The following GHRHR variants were observed in gnomAD, a reference collection of about 807,000 sequenced individuals.
GHRHR encodes the protein growth hormone-releasing hormone receptor.
Under a neutral mutation model 58.3 loss-of-function variants are expected in GHRHR, and 40 were observed. That is an observed-to-expected ratio of 0.69 (90% CI 0.53 to 0.89). GHRHR has a LOEUF of 0.89. GHRHR is among the 40% of genes least tolerant of loss of function. GHRHR has a pLI of 0.00. For missense variants in GHRHR, 551 were observed against 541.3 expected (o/e 1.02, Z -0.18); for synonymous variants, 249 against 216.6 (o/e 1.15, Z -1.31).
rs967367045 is a variant in GHRHR, at chr7:30,967,612, T to TCCAC, written c.58-1220_58-1217dup. On this transcript the variant is annotated intron_variant, in intron 1 of 12. Coordinates refer to ENST00000326139, the MANE Select transcript of GHRHR (RefSeq NM_000823.4). ...AGCCAGTCATCTGTCTATCCATCCATCCACCTCCCCAGCCATATATTTGTC... is the reference window on the plus strand; with the variant it reads ...AGCCAGTCATCTGTCTATCCATCCATCCACCCACCTCCCCAGCCATATATTTGTC... Among the ~76,000 whole-genome samples the TCCAC allele has an allele frequency of 3.8e-4, 57 of 151,966 alleles. 1 individual carries two copies. The South Asian group carries it at 9.8e-3, about 26-fold the overall frequency.
At position 30,972,048 on chromosome 7, in the gene GHRHR, G is replaced by A. The variant is rs765740795; in HGVS notation, c.550G>A (p.Ala184Thr). ...LKAGAVFLKD[A>T]ALFHSDDTDH... ...GGCGGGAGCTGTGTTCCTGAAGGAT[G>A]CTGCCCTTTTCCACAGCGACGACAC... The change falls in exon 6 of 13, where the codon GCT becomes ACT. Residue 184 changes from alanine to threonine, a missense_variant. Ala to Thr is a moderately conservative substitution (Grantham distance 58, BLOSUM62 0). Transcript: ENST00000326139. 9.9e-6 allele frequency: 16 copies of A among 1,614,044 alleles called. No homozygotes were observed. Among genetic ancestry groups the A allele is most frequent in the Non-Finnish European group, 1.4e-5 (16 of 1,179,994 alleles).
Position 30,969,719 on chromosome 7 carries a change from C to A in GHRHR, c.269-148C>A, listed in dbSNP as rs1584412079. The A allele has an allele frequency of 1.8e-5, 14 of 788,502 alleles. No individual in the cohort carries two copies. The East Asian group carries it at 3.2e-4, about 18-fold the overall frequency. The allele number at this position is 788,502 out of a possible 1,614,324, so 48.8% of individuals were successfully genotyped here. ...TGTCCCTGGGCAGGCTAGACCTGGG[C>A]CCCAGGCCTCTGGAGCCACCCTCTC... On this transcript the variant is annotated intron_variant, in intron 3 of 12. Coordinates refer to ENST00000326139, the MANE Select transcript of GHRHR (RefSeq NM_000823.4).
chr7:30,976,448 C>A lies in GHRHR; in HGVS notation c.994C>A (p.Leu332Ile), dbSNP rs1192034401. The change falls in exon 11 of 13, where the codon CTT (leucine) becomes ATT (isoleucine). Residue 332 changes from leucine to isoleucine, a missense_variant. Transcript: ENST00000326139. ...CTGCAGGCGTCTCTCCAAGTCGACA[C>A]TTTTCCTGATCCCACTCTTTGGAAT... is the stretch of plus-strand genomic sequence containing the variant. ...SQYWRLSKSTLFLIPLFGIHY... is the reference protein window; with the variant it reads ...SQYWRLSKSTIFLIPLFGIHY... 6.2e-7 allele frequency: 1 copy of A among 1,613,624 alleles called. No homozygotes were observed.
In GHRHR at chr7:30,977,278, C is replaced by A. The variant is rs758144992; in HGVS notation, c.1105-3C>A. ...ATGGGGTCTTTCTTCTTTGGACCCA[C>A]AGGGCTTCATTGTTGCCATCCTCTA... On this transcript the variant is annotated splice_polypyrimidine_tract_variant and splice_region_variant and intron_variant, in intron 11 of 12. Transcript: ENST00000326139. 7.4e-6 allele frequency: 12 copies of A among 1,613,886 alleles called. No individual in the cohort carries two copies. The African/African-American group carries it at 1.6e-4, about 22-fold the overall frequency.
chr7:30,969,815 C>T (rs1453774191), intron 3 of GHRHR, 52 bp from the exon 4 acceptor site: 6 of 1,599,394 alleles, frequency 3.8e-6, no homozygotes, highest in South Asian at 3.3e-5. Context: ...CCCCAGCCCC[C>T]TCCTGGGGAG....
chr7:30,965,294 A>G (rs1455885205), intron 1 of GHRHR, among the ~76,000 whole-genome samples: 2 of 152,302 alleles, frequency 1.3e-5, no homozygotes, highest in Admixed American at 6.5e-5. Context: ...CTAGAACTCA[A>G]TCACTGTTTG....
intron 5 of GHRHR, 79 bp downstream of exon 5, chr7:30,971,295 A>G (rs1389755286): frequency 2.7e-6 from 2 of 738,288 alleles, no homozygotes; most frequent in East Asian, 2.7e-5. Flanking sequence ...TTCCTTGCCT[A>G]CATAGCCATG....
At position 30,974,443 on chromosome 7, in the gene GHRHR, T is replaced by G; in HGVS notation, c.766T>G (p.Phe256Val). ...VLAGWGLPVL[F>V]TGTWVSCKLA... ...TACTCCTGTAGGGCTGCCCGTGCTCTTCACTGGCACGTGGGTGAGCTGCAA... is the reference window on the plus strand; with the variant it reads ...TACTCCTGTAGGGCTGCCCGTGCTCGTCACTGGCACGTGGGTGAGCTGCAA... Residue 256 changes from phenylalanine to valine, a missense_variant, in exon 8 of 13, where the codon TTC (phenylalanine) becomes GTC (valine). Coordinates refer to ENST00000326139, the MANE Select transcript of GHRHR (RefSeq NM_000823.4). The G allele has an allele frequency of 6.2e-7, 1 of 1,612,360 alleles. No individual in the cohort carries two copies. Among genetic ancestry groups the G allele is most frequent in the East Asian group, 2.2e-5 (1 of 44,864 alleles).
intron 11 of GHRHR, among the ~76,000 whole-genome samples, chr7:30,976,876 CCATCCACCCACCCATT>C (rs1178651642): frequency 2.1e-5 from 3 of 145,466 alleles, no homozygotes; most frequent in South Asian, 2.3e-4. Flanking sequence ...ACCCACCCAC[CCATCCACCCACCCATT>C]CATCCACCCA....
intron 12 of GHRHR, 33 bp from the exon 13 acceptor site, chr7:30,979,086 A>AC (rs1191297405): frequency 3.1e-6 from 5 of 1,608,586 alleles, no homozygotes; most frequent in Non-Finnish European, 3.4e-6. Context: ...CCACAGGGGG[A>AC]CCTTCCTAAC....
At chr7:30,976,391 T>C in intron 10 of GHRHR, 38 bp from the exon 11 acceptor site, 5 of 1,603,594 alleles carry the variant, frequency 3.1e-6, no homozygotes, top group Non-Finnish European at 4.3e-6. Context: ...CAGTTTCTAA[T>C]CCCAGTCTTG....
At chr7:30,975,610 T>C (rs1052351591) in intron 9 of GHRHR, among the ~76,000 whole-genome samples, 167 bp from the exon 10 acceptor site, 2 of 151,912 alleles carry the variant, frequency 1.3e-5, no homozygotes, top group Non-Finnish European at 2.9e-5. Flanking sequence ...CCCCCCCATC[T>C]CCAGGCTACC....
At chr7:30,965,113 G>A (rs1443065249) in intron 1 of GHRHR, among the ~76,000 whole-genome samples, 2 of 152,166 alleles carry the variant, frequency 1.3e-5, no homozygotes, top group South Asian at 2.1e-4. Context: ...GGGTCACTGT[G>A]CATTGAGTGG....
At position 30,968,806 on chromosome 7, in the gene GHRHR, G is replaced by C. The variant is rs368568571; in HGVS notation, c.58-28G>C. The C allele has an allele frequency of 5.9e-6, 9 of 1,526,092 alleles. No individual in the cohort carries two copies. The African/African-American group carries it at 1.2e-4, about 21-fold the overall frequency. The allele number at this position is 1,526,092 out of a possible 1,614,324, so 94.5% of individuals were successfully genotyped here. A position where few individuals can be genotyped will look rare whatever the true frequency, so the allele number is the denominator to read the frequency against. On this transcript the variant is annotated intron_variant, in intron 1 of 12. Transcript: ENST00000326139. Reference sequence around the variant, plus strand: ...GCCCAGAAAGACACCCAAATGGCTTGGCTCATCCTGTTCACTGTTTCCAGC... The same window carrying C: ...GCCCAGAAAGACACCCAAATGGCTTCGCTCATCCTGTTCACTGTTTCCAGC...
intron 1 of GHRHR, among the ~76,000 whole-genome samples, chr7:30,968,167 A>G (rs1233271092): frequency 1.3e-5 from 2 of 152,124 alleles, no homozygotes; most frequent in African/African-American, 4.8e-5. Flanking sequence ...AAGATCCTGA[A>G]CTCAATCACA....
chr7:30,974,313 C>G, intron 7 of GHRHR, 116 bp from the exon 8 acceptor site: 1 of 1,095,898 alleles, frequency 9.1e-7, no homozygotes, highest in Non-Finnish European at 1.4e-6. Context: ...TGGGGTCCTG[C>G]CTGGCCCTGC....
At chr7:30,975,095 C>A in intron 9 of GHRHR, 55 bp downstream of exon 9, 1 of 1,189,610 alleles carries the variant, frequency 8.4e-7, no homozygotes, top group Non-Finnish European at 1.3e-6. Context: ...CCTGGAACTA[C>A]TGACGGGCTG....
intron 1 of GHRHR, among the ~76,000 whole-genome samples, chr7:30,965,490 T>C (rs914837015): frequency 6.6e-6 from 1 of 152,140 alleles, no homozygotes; most frequent in East Asian, 1.9e-4. Context: ...TTTGGATAAA[T>C]CTTAGAACGA....
rs1172029261 is a variant in GHRHR at position 30,970,749 on chromosome 7, C to T, written c.367-370C>T. 2.0e-5 allele frequency among the ~76,000 whole-genome samples: 3 copies of T among 152,250 alleles called. 1 individual carries two copies. The highest frequency in any genetic ancestry group is 2.0e-4 in the Admixed American group (3 of 15,292). On this transcript the variant is annotated intron_variant, in intron 4 of 12. Transcript: ENST00000326139. ...CCTGGCTATCTCCTTTATTTGGATA[C>T]ATTGTGTTCCCAAGCTGGTGAGCAA... is the stretch of plus-strand genomic sequence containing the variant.
Sources: allele counts gnomAD v4.1 joint callset (sites outside exome capture counted in the v4.1 genomes callset), GRCh38; gene constraint gnomAD v4.1.1; transcripts MANE v1.5; gene names NCBI Gene and HGNC (gene_info 2026-07-23, HGNC 2026-07-21).